Variants in RMDN1 observed in about 807,000 individuals in gnomAD.
RMDN1 encodes the protein regulator of microtubule dynamics 1.
In RMDN1, 48 loss-of-function variants were observed where a neutral mutation model predicts 48.9. The ratio of observed to expected loss-of-function variants is 0.98; its 90% CI spans 0.78 to 1.25. The LOEUF (loss-of-function observed/expected upper bound fraction) is 1.25. Among genes scored for constraint, RMDN1 ranks in the 50% most tolerant of loss-of-function variants. RMDN1 has a pLI of 0.00. For synonymous variants in RMDN1, 148 were observed against 132.6 expected, an observed-to-expected ratio of 1.12 and a Z score of -0.80; for missense variants, 418 against 373.4, an observed-to-expected ratio of 1.12 and a Z score of -0.98.
rs1816812286 is a variant in RMDN1 at position 86,493,320 on chromosome 8, G to C, written c.248-4681C>G. ...ATATGATCCAGCAATCCCACTTTTG[G>C]ATGTATATCCAAAGGAACTGAAATC... On this transcript the variant is annotated intron_variant, in intron 2 of 9. Coordinates refer to ENST00000406452, the MANE Select transcript of RMDN1 (RefSeq NM_016033.3). Among the ~76,000 whole-genome samples, 3 of 152,104 alleles carry C rather than the reference G, an allele frequency of 2.0e-5. No individual in the cohort carries two copies. In the South Asian group the frequency reaches 6.2e-4, roughly 31 times the overall value.
chr8:86,509,407 C>A (rs2131390947), upstream of RMDN1, among the ~76,000 whole-genome samples: 1 of 152,096 alleles, frequency 6.6e-6, no homozygotes, highest in African/African-American at 2.4e-5. Flanking sequence ...GAGTGGAATT[C>A]TTTTGTGGGA....
intron 5 of RMDN1, among the ~76,000 whole-genome samples, chr8:86,483,324 C>T (rs1814890798): frequency 6.6e-6 from 1 of 152,074 alleles, no homozygotes. Context: ...GTATTTTCTA[C>T]AGTTCTTCAT....
intron 2 of RMDN1, among the ~76,000 whole-genome samples, chr8:86,499,235 G>C (rs1030532612): frequency 3.3e-5 from 5 of 152,078 alleles, no homozygotes; most frequent in Admixed American, 6.5e-5. Context: ...TCAAGAGAAA[G>C]AAAGGAAAGG....
In RMDN1 at chr8:86,472,561, G is replaced by C. The variant is rs527806185; in HGVS notation, c.*1747C>G. The stretch of plus-strand genomic sequence containing the variant: ...GGGAAACTGAAAGCCTGCCATTGTT[G>C]TTGCCGTTTAACAGCTGATACAGGT... On this transcript the variant is annotated 3_prime_UTR_variant, in exon 10 of 10. Coordinates refer to ENST00000406452, the MANE Select transcript of RMDN1 (RefSeq NM_016033.3). The C allele has an allele frequency of 8.3e-5, 57 of 690,702 alleles. No homozygotes were observed. The highest frequency in any genetic ancestry group is 1.4e-4 in the Non-Finnish European group (54 of 380,504). The allele number at this position is 690,702 out of a possible 1,614,324, so 42.8% of individuals were successfully genotyped here.
At chr8:86,468,802 C>T (rs112529109), downstream of RMDN1, 57 of 437,716 alleles carry the variant, frequency 1.3e-4, no homozygotes, top group African/African-American at 8.1e-4. Context: ...ACAGGCAGAG[C>T]TCTTGATTTA....
chr8:86,469,621 T>C (rs1812382637), downstream of RMDN1, among the ~76,000 whole-genome samples: 1 of 152,184 alleles, frequency 6.6e-6, no homozygotes, highest in African/African-American at 2.4e-5. Flanking sequence ...TATTGTAGAC[T>C]TATTAAGTCT....
intron 6 of RMDN1, 69 bp downstream of exon 6, chr8:86,480,208 G>A: frequency 2.7e-6 from 2 of 733,024 alleles, no homozygotes; most frequent in Middle Eastern, 3.7e-4. Flanking sequence ...ATATGCAAAA[G>A]AAGATATTTA....
chr8:86,496,798 C>T (rs992653730), intron 2 of RMDN1, among the ~76,000 whole-genome samples: 4 of 152,064 alleles, frequency 2.6e-5, no homozygotes, highest in Non-Finnish European at 4.4e-5. Context: ...CATTAACAGA[C>T]ATCTACAAGG....
At chr8:86,480,580 GA>G (rs753784161) in intron 5 of RMDN1, among the ~76,000 whole-genome samples, 1 of 151,910 alleles carries the variant, frequency 6.6e-6, no homozygotes, top group African/African-American at 2.4e-5. Flanking sequence ...ATCAAGATGA[GA>G]AAAAACATGA....
chr8:86,483,726 T>C (rs1215060152), intron 5 of RMDN1, among the ~76,000 whole-genome samples: 2 of 152,132 alleles, frequency 1.3e-5, no homozygotes, highest in Non-Finnish European at 2.9e-5. Flanking sequence ...TGAAAAACTA[T>C]TTAAATAGCA....
intron 2 of RMDN1, among the ~76,000 whole-genome samples, chr8:86,493,918 G>A (rs949151006): frequency 2.0e-5 from 3 of 152,026 alleles, no homozygotes; most frequent in Admixed American, 6.6e-5. Context: ...ATCCAAAATC[G>A]GAAACACTTC....
chr8:86,469,022 C>A (rs1812322371), downstream of RMDN1, among the ~76,000 whole-genome samples: 1 of 151,714 alleles, frequency 6.6e-6, no homozygotes, highest in South Asian at 2.1e-4. Context: ...TGGTGACTCC[C>A]CCACCCCCAC....
chr8:86,481,868 C>T (rs1488377811), intron 5 of RMDN1: 4 of 757,432 alleles, frequency 5.3e-6, no homozygotes, highest in Non-Finnish European at 8.2e-6. Context: ...TTTTTAAAAA[C>T]ATCAAGGTAG....
At chr8:86,490,712 C>G (rs1816343694) in intron 2 of RMDN1, among the ~76,000 whole-genome samples, 1 of 152,264 alleles carries the variant, frequency 6.6e-6, no homozygotes, top group South Asian at 2.1e-4. Flanking sequence ...ATATATTGAT[C>G]TGGCATATTT....
chr8:86,483,150 T>C, intron 5 of RMDN1: 1 of 320,986 alleles, frequency 3.1e-6, no homozygotes, highest in Non-Finnish European at 5.6e-6. Flanking sequence ...AGATATATAA[T>C]GGAATTTGAA....
chr8:86,472,453 C>T lies in RMDN1; in HGVS notation c.*1855G>A. The T allele has an allele frequency of 2.8e-6, 2 of 702,464 alleles. No individual in the cohort carries two copies. Among genetic ancestry groups the T allele is most frequent in the Non-Finnish European group, 5.2e-6 (2 of 384,976 alleles). The allele number at this position is 702,464 out of a possible 1,614,324, so 43.5% of individuals were successfully genotyped here. On this transcript the variant is annotated 3_prime_UTR_variant, in exon 10 of 10. Coordinates refer to ENST00000406452, the MANE Select transcript of RMDN1 (RefSeq NM_016033.3). ...TCCCTAGAAAGACCCACTTCCTGGC[C>T]CTTCAGCTGCTTCTGTTTCTCTTCA...
At chr8:86,513,054 G>C (rs971096653), upstream of RMDN1, among the ~76,000 whole-genome samples, 1 of 146,520 alleles carries the variant, frequency 6.8e-6, no homozygotes, top group African/African-American at 2.5e-5. Flanking sequence ...TTTCTATTGG[G>C]TGTTTTTTTT....
At chr8:86,484,714 G>A (rs1469558641) in intron 5 of RMDN1, 158 bp downstream of exon 5, 374 of 416,992 alleles carry the variant, frequency 9.0e-4, no homozygotes, top group Non-Finnish European at 1.2e-3. Flanking sequence ...GCGAAACTCC[G>A]TCTCAAAAAA....
chr8:86,500,295 TAATATCCAG>T (rs1271171293), intron 2 of RMDN1, among the ~76,000 whole-genome samples: 3 of 152,130 alleles, frequency 2.0e-5, no homozygotes, highest in African/African-American at 7.2e-5. Flanking sequence ...GACAAAGGTC[TAATATCCAG>T]AATCTATAGG....
Sources: gnomAD v4.1 joint callset for allele counts (sites outside exome capture counted in the v4.1 genomes callset) on GRCh38, gnomAD v4.1.1 for gene constraint, MANE v1.5 for transcripts, NCBI Gene and HGNC (gene_info 2026-07-23, HGNC 2026-07-21) for gene names.